ANKS1A: variants seen among roughly 807,000 people sequenced by gnomAD.
ANKS1A encodes the protein ankyrin repeat and SAM domain-containing protein 1A.
A neutral mutation model predicts 120.3 loss-of-function variants in ANKS1A; 55 were observed. That is an observed-to-expected ratio of 0.46 (90% CI 0.37 to 0.57). The LOEUF (loss-of-function observed/expected upper bound fraction) is 0.57. Ranked by LOEUF, ANKS1A falls within the 20% of genes least tolerant of loss-of-function variation. ANKS1A has a pLI of 0.00. For missense variants in ANKS1A, 1,123 were observed against 1,480.3 expected (o/e 0.76, Z 3.96); for synonymous variants, 590 against 604.7 (o/e 0.98, Z 0.36).
chr6:35,025,481 C>G (rs1470000483), intron 11 of ANKS1A, among the ~76,000 whole-genome samples: 1 of 152,048 alleles, frequency 6.6e-6, no homozygotes, highest in Non-Finnish European at 1.5e-5. Flanking sequence ...ACGTCTCTAA[C>G]TGGACAGGTG....
At chr6:35,097,046 T>C in the ANKS1A span, among the ~76,000 whole-genome samples, 1 of 152,164 alleles carries the variant, frequency 6.6e-6, no homozygotes. Context: ...TTTTTTTTTT[T>C]TTATCTTAAA....
intron 1 of ANKS1A, among the ~76,000 whole-genome samples, chr6:34,959,658 G>A (rs746866267): frequency 4.6e-5 from 7 of 152,186 alleles, no homozygotes; most frequent in Non-Finnish European, 1.0e-4. Context: ...TTTGAGTTGG[G>A]CCACTTTCTG....
At chr6:35,055,088 G>A (rs926546738) in intron 12 of ANKS1A, among the ~76,000 whole-genome samples, 1 of 152,236 alleles carries the variant, frequency 6.6e-6, no homozygotes, top group Non-Finnish European at 1.5e-5. Context: ...GCCCTGGGCA[G>A]GAAGTCTGAT....
rs1389473622 is a variant in ANKS1A, at chr6:34,983,167, G to A, written c.863G>A (p.Arg288Gln). ...NHGLTALDTV[R>Q]ELPSQKSQQI... ...GGACTGACTGCCCTAGACACTGTTC[G>A]GGAACTGCCTTCTCAAAAGAGCCAG... Residue 288 changes from arginine (R) to glutamine (Q), a missense_variant, in exon 6 of 24, where the codon CGG becomes CAG. Coordinates refer to ENST00000360359, the MANE Select transcript of ANKS1A (RefSeq NM_015245.3). 4.3e-6 allele frequency: 7 copies of A among 1,613,996 alleles called. No individual in the cohort carries two copies. Among genetic ancestry groups the A allele is most frequent in the South Asian group, 1.1e-5 (1 of 91,068 alleles).
chr6:35,074,591 G>A (rs1047813992), intron 13 of ANKS1A, among the ~76,000 whole-genome samples: 4 of 152,142 alleles, frequency 2.6e-5, no homozygotes, highest in East Asian at 1.9e-4. Context: ...CTGGGAAGGC[G>A]GCTGCCTCTC....
At chr6:34,986,359 C>T (rs145064215) in intron 8 of ANKS1A, among the ~76,000 whole-genome samples, 1,898 of 152,228 alleles carry the variant, frequency 0.012, 18 homozygotes, top group Middle Eastern at 0.024. Context: ...AGTGTAGGCC[C>T]GAATCACTGG....
rs550202767 is a variant in ANKS1A at position 34,998,259 on chromosome 6, A to T, written c.1423+3837A>T. On this transcript the variant is annotated intron_variant, in intron 10 of 23. Coordinates refer to ENST00000360359, the MANE Select transcript of ANKS1A (RefSeq NM_015245.3). ...AATGTCATTGTCTTATGCAGCTTTT[A>T]TGAATTAATTAATCAGTTTTCAAAA... Among the ~76,000 whole-genome samples, 726 of 152,290 alleles carry T rather than the reference A, an allele frequency of 4.8e-3. 5 individuals carry two copies. The highest frequency in any genetic ancestry group is 7.5e-3 in the Non-Finnish European group (508 of 68,028).
intron 3 of ANKS1A, among the ~76,000 whole-genome samples, chr6:34,976,931 G>A (rs1023287697): frequency 2.0e-5 from 3 of 152,026 alleles, no homozygotes; most frequent in East Asian, 1.9e-4. Context: ...AAGGACATTC[G>A]CTTATAAAGC....
rs188890655 is a variant in ANKS1A at position 35,012,053 on chromosome 6, T to C, written c.1424-5420T>C. Among the ~76,000 whole-genome samples the C allele has an allele frequency of 6.6e-5, 10 of 152,302 alleles. 1 individual carries two copies. The East Asian group carries it at 1.9e-3, about 29-fold the overall frequency. On this transcript the variant is annotated intron_variant, in intron 10 of 23. Transcript: ENST00000360359. ...TAACCATGAGGCTAAAACCATTTCATCAAAAGCCTTTCTGCTATTCATGTT... is the reference window on the plus strand; with the variant it reads ...TAACCATGAGGCTAAAACCATTTCACCAAAAGCCTTTCTGCTATTCATGTT...
chr6:34,935,074 C>T (rs1439712391), intron 1 of ANKS1A, among the ~76,000 whole-genome samples: 2 of 152,188 alleles, frequency 1.3e-5, no homozygotes, highest in Non-Finnish European at 2.9e-5. Flanking sequence ...TTCTTCTGGA[C>T]AGTGATAGGC....
intron 1 of ANKS1A, among the ~76,000 whole-genome samples, chr6:34,892,288 A>G (rs941326354): frequency 6.6e-6 from 1 of 152,202 alleles, no homozygotes; most frequent in African/African-American, 2.4e-5. Context: ...TTTCTGAGCA[A>G]ATGAGACCAT....
intron 16 of ANKS1A, among the ~76,000 whole-genome samples, 153 bp downstream of exon 16, chr6:35,080,081 A>C (rs1336594383): frequency 1.3e-5 from 2 of 152,182 alleles, no homozygotes; most frequent in Non-Finnish European, 2.9e-5. Context: ...GGTTTAGAGA[A>C]GTTCCCCGCC....
At chr6:34,908,758 A>T (rs1276395012) in intron 1 of ANKS1A, among the ~76,000 whole-genome samples, 1 of 152,068 alleles carries the variant, frequency 6.6e-6, no homozygotes, top group African/African-American at 2.4e-5. Context: ...GCATTTGCTG[A>T]CCCTTTACAA....
At position 35,031,197 on chromosome 6, in the gene ANKS1A, C is replaced by T. The variant is rs116055005; in HGVS notation, c.2010+13138C>T. Among the ~76,000 whole-genome samples the T allele has an allele frequency of 9.8e-3, 1,498 of 152,192 alleles. 20 individuals are homozygous for T. Among genetic ancestry groups the T allele is most frequent in the African/African-American group, 0.034 (1,390 of 41,492 alleles). On this transcript the variant is annotated intron_variant, in intron 11 of 23. Transcript: ENST00000360359. ...TTAAAGCTTTATCCTGTGATTTCTG[C>T]CCTGGAGATACAGCTCAGCCTCTTC...
Position 35,082,871 on chromosome 6 carries a change from G to A in ANKS1A, c.2835+55G>A, listed in dbSNP as rs377540210. 5.5e-5 allele frequency: 86 copies of A among 1,576,050 alleles called. No homozygotes were observed. In the African/African-American group the frequency reaches 1.1e-3, roughly 20 times the overall value. On this transcript the variant is annotated intron_variant, in intron 18 of 23. Coordinates refer to ENST00000360359, the MANE Select transcript of ANKS1A (RefSeq NM_015245.3). This position sits in a 1 kb window ranked among gnomAD's most constrained non-coding sequence, Gnocchi z 4.1. ...CGGCCTCCCTGCTCCTTCTCGGCCAGGCACCTGCGGCCAAGTCCCAGCAGG... is the reference window on the plus strand; with the variant it reads ...CGGCCTCCCTGCTCCTTCTCGGCCAAGCACCTGCGGCCAAGTCCCAGCAGG...
intron 13 of ANKS1A, among the ~76,000 whole-genome samples, chr6:35,067,763 A>G (rs1476370815): frequency 6.6e-6 from 1 of 152,172 alleles, no homozygotes; most frequent in Non-Finnish European, 1.5e-5. Context: ...AGTGATCCCA[A>G]TCTTCCTTTT....
At chr6:35,027,921 A>G (rs544909707) in intron 11 of ANKS1A, among the ~76,000 whole-genome samples, 1 of 152,340 alleles carries the variant, frequency 6.6e-6, no homozygotes, top group East Asian at 1.9e-4. Context: ...CTTGCTCACA[A>G]GCTCTAATGA....
At chr6:35,042,380 G>A (rs182327357) in intron 11 of ANKS1A, among the ~76,000 whole-genome samples, 1 of 152,270 alleles carries the variant, frequency 6.6e-6, no homozygotes, top group East Asian at 1.9e-4. Context: ...CAAGAAAGAT[G>A]TATGTCCTAA....
At chr6:34,932,532 G>A (rs1769038605) in intron 1 of ANKS1A, among the ~76,000 whole-genome samples, 1 of 151,878 alleles carries the variant, frequency 6.6e-6, no homozygotes, top group Non-Finnish European at 1.5e-5. Context: ...TTACAAGCGT[G>A]CATCACCACA....
Sources: allele counts gnomAD v4.1 joint callset (sites outside exome capture counted in the v4.1 genomes callset), GRCh38; gene constraint gnomAD v4.1.1; non-coding constraint Gnocchi (gnomAD v3.1); transcripts MANE v1.5; gene names NCBI Gene and HGNC (gene_info 2026-07-23, HGNC 2026-07-21).